ENTPD8: variants seen among roughly 807,000 people sequenced by gnomAD.
ENTPD8 encodes E-NTPDase 8.
In ENTPD8, 35 loss-of-function variants were observed where a neutral mutation model predicts 47.0. That is an observed-to-expected ratio of 0.75 (90% CI 0.57 to 0.99). The LOEUF (loss-of-function observed/expected upper bound fraction) is 0.99, where lower values mean the gene tolerates loss of function less well. Ranked by LOEUF, ENTPD8 falls within the 50% of genes least tolerant of loss-of-function variation. The pLI, the probability that ENTPD8 is intolerant of heterozygous loss-of-function variation, is 0.00. For missense variants in ENTPD8, 668 were observed against 649.9 expected, an observed-to-expected ratio of 1.03 and a Z score of -0.30; for synonymous variants, 308 against 290.5, an observed-to-expected ratio of 1.06 and a Z score of -0.61.
chr9:137,435,736 G>A lies in ENTPD8; in HGVS notation c.1144C>T (p.Gln382Ter). The A allele has an allele frequency of 5.6e-6, 9 of 1,613,198 alleles. No individual in the cohort carries two copies. Among genetic ancestry groups the A allele is most frequent in the Non-Finnish European group, 7.6e-6 (9 of 1,179,806 alleles). Residue 382 changes from glutamine (Q) to a stop codon, truncating the protein, a stop_gained, in exon 8 of 10, where the codon CAG (glutamine) becomes TAG (stop). Transcript: ENST00000371506. LOFTEE classifies it high-confidence loss of function. ...TVNATIWEFC[Q>*]RPWKLVEASY... ...CCACCCACCAGTTTCCAGGGCCTCT[G>A]GCAAAACTCCCAGATGGTGGCGTTG...
chr9:137,440,138 C>G (rs1269411754), intron 1 of ENTPD8, among the ~76,000 whole-genome samples: 1 of 55,820 alleles, frequency 1.8e-5, no homozygotes, highest in Admixed American at 1.8e-4. Flanking sequence ...ACCAGGACAG[C>G]CCCCCCAGAC....
rs28649497 is a variant in ENTPD8 at position 137,434,689 on chromosome 9, C to T, written c.*225G>A. 201,865 of 643,158 alleles carry T rather than the reference C, an allele frequency of 0.31. 35,240 individuals are homozygous for T. The highest frequency in any genetic ancestry group is 0.72 in the East Asian group (25,007 of 34,778). 39.8% of individuals were successfully genotyped at this position (643,158 alleles called of 1,614,324 possible). A position where few individuals can be genotyped will look rare whatever the true frequency, so the allele number is the denominator to read the frequency against. On this transcript the variant is annotated 3_prime_UTR_variant, in exon 10 of 10. Coordinates refer to ENST00000371506, the MANE Select transcript of ENTPD8 (RefSeq NM_001033113.2). ...CTGTGTGCAGAAAGGCACCTACGGC[C>T]CTGGAAGCCCAGTTGCGGAAGGAGG...
chr9:137,438,416 A>G lies in ENTPD8; in HGVS notation c.-20-111T>C. The G allele has an allele frequency of 8.0e-7, 1 of 1,252,956 alleles. No individual in the cohort carries two copies. The highest frequency in any genetic ancestry group is 1.1e-6 in the Non-Finnish European group (1 of 937,732). The allele number at this position is 1,252,956 out of a possible 1,614,324, so 77.6% of individuals were successfully genotyped here. On this transcript the variant is annotated intron_variant, in intron 1 of 9. Coordinates refer to ENST00000371506, the MANE Select transcript of ENTPD8 (RefSeq NM_001033113.2). The surrounding 1 kb of genome is among the most constrained non-coding windows in gnomAD (Gnocchi z 5.7). Reference sequence around the variant, plus strand: ...CCTGGAGACGCACCCCTGGACAGCCACTTGCCTTAGAGGCATCTCCGGGGC... The same window carrying G: ...CCTGGAGACGCACCCCTGGACAGCCGCTTGCCTTAGAGGCATCTCCGGGGC...
In ENTPD8 at chr9:137,436,928, GC is replaced by G. The variant is rs556579838; in HGVS notation, c.495del (p.Gln166ArgfsTer88). 1,755 of 1,613,060 alleles carry G rather than the reference GC, an allele frequency of 1.1e-3. 3 individuals carry two copies. Among genetic ancestry groups the G allele is most frequent in the Non-Finnish European group, 1.4e-3 (1,614 of 1,179,966 alleles). On this transcript the variant is annotated frameshift_variant, in exon 5 of 10. Transcript: ENST00000371506. LOFTEE classifies it high-confidence loss of function. ...ATCCAACCAAAGGCACCTTCGGCCT[GC>G]CCGGCCAGGAGCTCGGCACCCCAAA... ...VDFWGAELLAGQAEGAFGWIT... is the reference protein window; with the variant it reads ...VDFWGAELLAXQAEGAFGWIT...
At chr9:137,437,853 G>T (rs543970929) in intron 3 of ENTPD8, 114 bp downstream of exon 3, 4 of 949,434 alleles carry the variant, frequency 4.2e-6, no homozygotes, top group South Asian at 1.6e-5. Flanking sequence ...CATGCCCGGC[G>T]TGTGAGCTCA....
At position 137,438,245 on chromosome 9, in the gene ENTPD8, A is replaced by G. The variant is rs1451257701; in HGVS notation, c.41T>C (p.Leu14Pro). The G allele has an allele frequency of 2.5e-6, 4 of 1,599,160 alleles. No individual in the cohort carries two copies. The highest frequency in any genetic ancestry group is 3.4e-6 in the Non-Finnish European group (4 of 1,173,422). ...GAGGCCTGAGACCCCCGAGGCCCCC[A>G]GCAGGGCCAAGAAGACCTGCTCCTT... is the stretch of plus-strand genomic sequence containing the variant. Reference protein sequence around the residue: ...SRKEQVFLALLGASGVSGLTA... With the variant: ...SRKEQVFLALPGASGVSGLTA... The change falls in exon 2 of 10, where the codon CTG becomes CCG. Residue 14 changes from leucine to proline, a missense_variant. By Grantham distance (98) the Leu-to-Pro change is moderately conservative. Transcript: ENST00000371506. This position sits in a 1 kb window ranked among gnomAD's most constrained non-coding sequence, Gnocchi z 5.7.
rs1444679068 is a variant in ENTPD8, at chr9:137,437,947, C to A, written c.244+20G>T. On this transcript the variant is annotated intron_variant, in intron 3 of 9. Transcript: ENST00000371506. ...GCAACAGGCAGGTCCCAGCACCGGG[C>A]TGCAGAACAGCCCACTAACCTTCCA... The A allele has an allele frequency of 1.9e-6, 3 of 1,599,442 alleles. No individual in the cohort carries two copies. Among genetic ancestry groups the A allele is most frequent in the Admixed American group, 3.4e-5 (2 of 59,588 alleles).
intron 1 of ENTPD8, among the ~76,000 whole-genome samples, chr9:137,439,444 C>T (rs567425542): frequency 3.9e-5 from 6 of 152,302 alleles, no homozygotes; most frequent in African/African-American, 4.8e-5. Flanking sequence ...CTATCGTGTT[C>T]CCCCGGGAAA....
At chr9:137,436,812 A>G in intron 5 of ENTPD8, 57 bp downstream of exon 5, 1 of 1,603,334 alleles carries the variant, frequency 6.2e-7, no homozygotes, top group South Asian at 1.1e-5. Flanking sequence ...CCGGTCAGCC[A>G]GCCCCAGACA....
chr9:137,435,958 C>G, intron 7 of ENTPD8, 55 bp downstream of exon 7: 1 of 1,605,400 alleles, frequency 6.2e-7, no homozygotes, highest in South Asian at 1.1e-5. Flanking sequence ...CAGACAGGCA[C>G]CTGAGGCCTC....
At chr9:137,437,389 C>T (rs1803424183) in intron 3 of ENTPD8, 80 bp from the exon 4 acceptor site, 14 of 1,509,564 alleles carry the variant, frequency 9.3e-6, no homozygotes, top group East Asian at 2.3e-5. Flanking sequence ...ACATGACCAC[C>T]TCATGCCCCC....
At chr9:137,439,210 C>T (rs943532752) in intron 1 of ENTPD8, among the ~76,000 whole-genome samples, 1 of 152,176 alleles carries the variant, frequency 6.6e-6, no homozygotes, top group Non-Finnish European at 1.5e-5. Flanking sequence ...GAGGTGGACC[C>T]AGGGATGCCA....
chr9:137,436,492 C>T (rs1420399842), intron 6 of ENTPD8, 29 bp downstream of exon 6: 13 of 1,573,714 alleles, frequency 8.3e-6, no homozygotes, highest in African/African-American at 1.3e-5. Context: ...TTCCCACAGC[C>T]CCATGCACCC....
rs1323857096 is a variant in ENTPD8, at chr9:137,437,992, G to C, written c.219C>G (p.Ser73Arg). ...CTTCCACCTGGCAGGCCAGGGCCTGGCTGACCACACCCGTGCCATTCTCCT... is the reference window on the plus strand; with the variant it reads ...CTTCCACCTGGCAGGCCAGGGCCTGCCTGACCACACCCGTGCCATTCTCCT... ...ANKENGTGVV[S>R]QALACQVEGP... Residue 73 changes from serine to arginine, a missense_variant, in exon 3 of 10, where the codon AGC becomes AGG. Transcript: ENST00000371506. 1 of 1,612,600 alleles carries C rather than the reference G, an allele frequency of 6.2e-7. No individual in the cohort carries two copies. Among genetic ancestry groups the C allele is most frequent in the African/African-American group, 1.3e-5 (1 of 74,934 alleles).
At chr9:137,435,448 C>G in intron 8 of ENTPD8, 110 bp from the exon 9 acceptor site, 4 of 1,478,016 alleles carry the variant, frequency 2.7e-6, no homozygotes, top group Non-Finnish European at 3.6e-6. Flanking sequence ...AAGAGGGTGC[C>G]GGGCAGTGGT....
rs1262116053 is a variant in ENTPD8, at chr9:137,438,210, T to G, written c.76A>C (p.Ile26Leu). Reference sequence around the variant, plus strand: ...CTGGTGGCCTCCACCAGGAGGAGAATGAGTGCCGTGAGGCCTGAGACCCCC... The same window carrying G: ...CTGGTGGCCTCCACCAGGAGGAGAAGGAGTGCCGTGAGGCCTGAGACCCCC... ...ASGVSGLTALILLLVEATSVL... is the reference protein window; with the variant it reads ...ASGVSGLTALLLLLVEATSVL... The change falls in exon 2 of 10, where the codon ATT (isoleucine) becomes CTT (leucine). Residue 26 changes from isoleucine to leucine, a missense_variant. Physicochemically the swap from Ile to Leu is conservative, Grantham distance 5. Transcript: ENST00000371506. This position sits in a 1 kb window ranked among gnomAD's most constrained non-coding sequence, Gnocchi z 5.7. The G allele has an allele frequency of 3.1e-6, 5 of 1,606,818 alleles. No individual in the cohort carries two copies. The South Asian group carries it at 3.3e-5, about 11-fold the overall frequency.
chr9:137,434,821 G>A lies in ENTPD8; in HGVS notation c.*93C>T. On this transcript the variant is annotated 3_prime_UTR_variant, in exon 10 of 10. Coordinates refer to ENST00000371506, the MANE Select transcript of ENTPD8 (RefSeq NM_001033113.2). The stretch of plus-strand genomic sequence containing the variant: ...ACCTGACCGTGGGCAGAGCCACAGA[G>A]CAAGGCCCCACGGCGCTCAGGGCTC... The A allele has an allele frequency of 7.0e-7, 1 of 1,421,776 alleles. No individual in the cohort carries two copies. Among genetic ancestry groups the A allele is most frequent in the Non-Finnish European group, 9.3e-7 (1 of 1,074,000 alleles). 88.1% of individuals were successfully genotyped at this position (1,421,776 alleles called of 1,614,324 possible).
chr9:137,435,249 G>A lies in ENTPD8; in HGVS notation c.1251C>T (p.Tyr417=), dbSNP rs61570143. The A allele has an allele frequency of 2.3e-4, 375 of 1,612,334 alleles. No homozygotes were observed. In the African/African-American group the frequency reaches 3.5e-3, roughly 15 times the overall value. Residue 417 remains tyrosine (Y), a synonymous_variant, in exon 9 of 10, where the codon TAC becomes TAT. Coordinates refer to ENST00000371506, the MANE Select transcript of ENTPD8 (RefSeq NM_001033113.2). ...LYILTLLHEG[Y]GFSEETWPSL... The stretch of plus-strand genomic sequence containing the variant: ...TGGGCCAGGTCTCCTCGCTGAACCC[G>A]TAGCCCTCGTGCAGGAGGGTGAGGA...
Position 137,436,161 on chromosome 9 carries a change from A to C in ENTPD8, c.902T>G (p.Leu301Arg), listed in dbSNP as rs900408872. 11 of 1,612,686 alleles carry C rather than the reference A, an allele frequency of 6.8e-6. No individual in the cohort carries two copies. In the South Asian group the frequency reaches 9.9e-5, roughly 14 times the overall value. The change falls in exon 7 of 10, where the codon CTC (leucine) becomes CGC (arginine). Residue 301 changes from leucine to arginine, a missense_variant. Coordinates refer to ENST00000371506, the MANE Select transcript of ENTPD8 (RefSeq NM_001033113.2). ...PCVHATPPLS[L>R]PQNLTVEGTG... ...CCCTTCAACTGTGAGGTTCTGGGGG[A>C]GGCTCAGCGGGGGCGTGGCGTGGAC...
Sources: allele counts gnomAD v4.1 joint callset (sites outside exome capture counted in the v4.1 genomes callset), GRCh38; gene constraint gnomAD v4.1.1; non-coding constraint Gnocchi (gnomAD v3.1); transcripts MANE v1.5; gene names NCBI Gene and HGNC (gene_info 2026-07-23, HGNC 2026-07-21).